P2RX5: variants seen among roughly 807,000 people sequenced by gnomAD.
P2RX5 encodes P2X purinoceptor 5.
P2RX5 carries 46 observed loss-of-function variants against 54.1 expected under a neutral mutation model. The observed-to-expected ratio is 0.85, with a 90% CI of 0.67 to 1.09. P2RX5 has a LOEUF of 1.09. P2RX5 is among the 50% of genes least tolerant of loss of function. The pLI, the probability that P2RX5 is intolerant of heterozygous loss-of-function variation, is 0.00. For synonymous variants in P2RX5, 226 were observed against 226.4 expected, an observed-to-expected ratio of 1.00 and a Z score of 0.02; for missense variants, 566 against 549.8, an observed-to-expected ratio of 1.03 and a Z score of -0.29.
Position 3,673,755 on chromosome 17 carries a change from A to G in P2RX5, c.*113T>C. The stretch of plus-strand genomic sequence containing the variant: ...GTCCCTGTGATGTGGCATTGATAGC[A>G]CCCAATGTACAAATTTCCCGTTGGG... On this transcript the variant is annotated 3_prime_UTR_variant, in exon 12 of 12. Coordinates refer to ENST00000225328, the MANE Select transcript of P2RX5 (RefSeq NM_002561.4). 6.2e-7 allele frequency: 1 copy of G among 1,610,284 alleles called. No individual in the cohort carries two copies. The highest frequency in any genetic ancestry group is 1.1e-5 in the South Asian group (1 of 90,600).
At chr17:3,683,942 C>G (rs2050359600) in intron 9 of P2RX5, among the ~76,000 whole-genome samples, 1 of 152,202 alleles carries the variant, frequency 6.6e-6, no homozygotes, top group South Asian at 2.1e-4. Context: ...TCCCAATGGA[C>G]TCCTCCAGTG....
chr17:3,713,883 T>C, the P2RX5 span, among the ~76,000 whole-genome samples: 1 of 152,196 alleles, frequency 6.6e-6, no homozygotes, highest in Non-Finnish European at 1.5e-5. Context: ...AAGAGTTTCT[T>C]CTGGAAATCT....
chr17:3,683,678 C>T lies in P2RX5; in HGVS notation c.982-1700G>A, dbSNP rs1043867433. On this transcript the variant is annotated intron_variant, in intron 9 of 11. Coordinates refer to ENST00000225328, the MANE Select transcript of P2RX5 (RefSeq NM_002561.4). Reference sequence around the variant, plus strand: ...CTGGGAGGCAGAGGCTGCAGTGAGCCAAGATCATGCCATTGCACTCCAGCC... The same window carrying T: ...CTGGGAGGCAGAGGCTGCAGTGAGCTAAGATCATGCCATTGCACTCCAGCC... Among the ~76,000 whole-genome samples the T allele has an allele frequency of 9.4e-5, 13 of 138,914 alleles. 3 individuals are homozygous for T. The highest frequency in any genetic ancestry group is 4.2e-4 in the East Asian group (2 of 4,724). The allele number at this position is 138,914 out of a possible 152,430, so 91.1% of individuals were successfully genotyped here.
At chr17:3,684,019 T>A (rs988796210) in intron 9 of P2RX5, among the ~76,000 whole-genome samples, 2 of 152,236 alleles carry the variant, frequency 1.3e-5, no homozygotes, top group Non-Finnish European at 1.5e-5. Context: ...GAAAGGGACC[T>A]GCCGGGATGG....
the P2RX5 span, among the ~76,000 whole-genome samples, chr17:3,708,075 A>C: frequency 1.3e-5 from 2 of 151,454 alleles, no homozygotes; most frequent in Non-Finnish European, 2.9e-5. Context: ...AAAAAAAAAA[A>C]AAAAACACCA....
chr17:3,713,222 A>G, the P2RX5 span, among the ~76,000 whole-genome samples: 1 of 152,100 alleles, frequency 6.6e-6, no homozygotes, highest in Non-Finnish European at 1.5e-5. Flanking sequence ...TGAGCCGGGC[A>G]TAGTGGCTTG....
rs2050188090 is a variant in P2RX5 at position 3,679,790 on chromosome 17, C to G, written c.1065-6G>C. ...GGGAACTGTCTTCTAGGCCCCTGGA[C>G]AAGATACAAGCTGTTCACCTGGGAC... is the stretch of plus-strand genomic sequence containing the variant. On this transcript the variant is annotated splice_polypyrimidine_tract_variant and splice_region_variant and intron_variant, in intron 10 of 11. Transcript: ENST00000225328. The G allele has an allele frequency of 6.2e-7, 1 of 1,607,994 alleles. No individual in the cohort carries two copies. The highest frequency in any genetic ancestry group is 1.3e-5 in the African/African-American group (1 of 74,846).
rs2050121809 is a variant in P2RX5 at position 3,677,095 on chromosome 17, A to C, written c.1259+2495T>G. On this transcript the variant is annotated intron_variant, in intron 11 of 11. Transcript: ENST00000225328. ...AAATAAATAAAAAGCAAGGCCCTAC[A>C]GCGATGGAGGCAGAGAGCAGCTGAG... is the stretch of plus-strand genomic sequence containing the variant. 3.0e-6 allele frequency: 3 copies of C among 985,224 alleles called. No individual in the cohort carries two copies. In the South Asian group the frequency reaches 1.4e-4, roughly 46 times the overall value. The allele number at this position is 985,224 out of a possible 1,614,324, so 61.0% of individuals were successfully genotyped here. A position where few individuals can be genotyped will look rare whatever the true frequency, so the allele number is the denominator to read the frequency against.
the P2RX5 span, among the ~76,000 whole-genome samples, chr17:3,719,706 CACTT>C: frequency 1.4e-5 from 2 of 143,984 alleles, no homozygotes; most frequent in African/African-American, 5.9e-5. Context: ...AACAATTTCT[CACTT>C]AGGTAATTCA....
chr17:3,723,198 C>A, the P2RX5 span: 3 of 909,932 alleles, frequency 3.3e-6, no homozygotes, highest in Admixed American at 1.8e-5. Context: ...TGGACATGGA[C>A]ATGTTATGCA....
At chr17:3,676,508 T>C in intron 11 of P2RX5, 1 of 985,262 alleles carries the variant, frequency 1.0e-6, no homozygotes, top group African/African-American at 1.7e-5. Flanking sequence ...GTAACTTAAA[T>C]CAGCTGAGCA....
chr17:3,695,680 C>T (rs895933107), intron 1 of P2RX5, among the ~76,000 whole-genome samples, 189 bp downstream of exon 1: 47 of 152,242 alleles, frequency 3.1e-4, no homozygotes, highest in African/African-American at 9.9e-4. Context: ...GTGGAGAGCC[C>T]CCTCTCTACA....
intron 10 of P2RX5, among the ~76,000 whole-genome samples, chr17:3,681,486 G>A (rs920943078): frequency 2.6e-5 from 4 of 152,132 alleles, no homozygotes; most frequent in Non-Finnish European, 4.4e-5. Context: ...GAAAATATCC[G>A]CTTTTCTTTC....
intron 7 of P2RX5, among the ~76,000 whole-genome samples, chr17:3,689,043 G>A (rs573707395): frequency 1.3e-5 from 2 of 152,360 alleles, no homozygotes; most frequent in South Asian, 2.1e-4. Flanking sequence ...TGTGCCAAAG[G>A]GGGTCCCTCT....
At position 3,688,071 on chromosome 17, in the gene P2RX5, C is replaced by G. The variant is rs1391048198; in HGVS notation, c.922G>C (p.Glu308Gln). 1.2e-6 allele frequency: 2 copies of G among 1,606,616 alleles called. No homozygotes were observed. Among genetic ancestry groups the G allele is most frequent in the Admixed American group, 3.4e-5 (2 of 59,526 alleles). The change falls in exon 9 of 12, where the codon GAG becomes CAG. Residue 308 changes from glutamate to glutamine, a missense_variant. Physicochemically the swap from Glu to Gln is conservative, Grantham distance 29 (BLOSUM62 2). Transcript: ENST00000225328. ...ARYYRDAAGV[E>Q]FRTLMKAYGI... ...TAGGCTTTCATCAGGGTGCGGAACT[C>G]CACCCCGGCTGCGTCTCGGTAATAT...
At position 3,690,621 on chromosome 17, in the gene P2RX5, C is replaced by A. The variant is rs746704729; in HGVS notation, c.420G>T (p.Ala140=). The A allele has an allele frequency of 6.2e-7, 1 of 1,613,616 alleles. No homozygotes were observed. The highest frequency in any genetic ancestry group is 8.5e-7 in the Non-Finnish European group (1 of 1,180,030). Residue 140 remains alanine (A), a synonymous_variant, in exon 4 of 12, where the codon GCG becomes GCT. Coordinates refer to ENST00000225328, the MANE Select transcript of P2RX5 (RefSeq NM_002561.4). The stretch of plus-strand genomic sequence containing the variant: ...GGCCCTCACCGTTTCCAGCTGTAAC[C>A]GCTTCCCCAGCGTGGCAGTCGCTGT... ...SKDSDCHAGE[A]VTAGNGVKTG...
At chr17:3,706,961 G>A in the P2RX5 span, among the ~76,000 whole-genome samples, 10 of 152,116 alleles carry the variant, frequency 6.6e-5, no homozygotes, top group South Asian at 2.1e-4. Flanking sequence ...TACAGCTACC[G>A]CAGGTATCTC....
chr17:3,679,551 G>A (rs1371388797), intron 11 of P2RX5, 39 bp downstream of exon 11: 2 of 1,589,282 alleles, frequency 1.3e-6, no homozygotes, highest in South Asian at 2.2e-5. Context: ...CTCTCTGCAG[G>A]ACCCAGCTGT....
At chr17:3,688,780 G>T in intron 7 of P2RX5, 21 bp from the exon 8 acceptor site, 1 of 1,613,592 alleles carries the variant, frequency 6.2e-7, no homozygotes, top group Non-Finnish European at 8.5e-7. Flanking sequence ...GAGAGATGAG[G>T]GTCAGCACAC....
Sources: gnomAD v4.1 joint callset for allele counts (sites outside exome capture counted in the v4.1 genomes callset) on GRCh38, gnomAD v4.1.1 for gene constraint, MANE v1.5 for transcripts, NCBI Gene and HGNC (gene_info 2026-07-23, HGNC 2026-07-21) for gene names.